The following CHD9 variants were observed in gnomAD, a reference collection of about 807,000 sequenced individuals.
The protein encoded by CHD9 is chromodomain helicase DNA binding protein 9, also known as ATP-dependent chromatin remodeler CHD9.
CHD9 carries 77 observed loss-of-function variants against 316.1 expected under a neutral mutation model. That is an observed-to-expected ratio of 0.24 (90% confidence interval 0.20 to 0.29). The LOEUF is 0.29. Ranked by LOEUF, CHD9 falls within the 10% of genes least tolerant of loss-of-function variation. The probability of loss-of-function intolerance (pLI) is 1.00; values close to 1 mark genes in which losing one functional copy is unlikely to be tolerated. For missense variants in CHD9, 2,763 were observed against 3,438.1 expected (o/e 0.80, Z 4.91); for synonymous variants, 1,129 against 1,158.3 (o/e 0.97, Z 0.51).
rs549112741 is a variant in CHD9, at chr16:53,093,011, G to A, written c.-165+37934G>A. Reference sequence around the variant, plus strand: ...CAGGGCTGGTCTCAAACTCCTGAGCGCAAGCCATCCTCCTGCCTTTGCCTC... The same window carrying A: ...CAGGGCTGGTCTCAAACTCCTGAGCACAAGCCATCCTCCTGCCTTTGCCTC... On this transcript the variant is annotated intron_variant, in intron 1 of 38. Coordinates refer to ENST00000447540, the MANE Select transcript of CHD9 (RefSeq NM_001308319.2). 1.9e-4 allele frequency among the ~76,000 whole-genome samples: 29 copies of A among 152,280 alleles called. No homozygotes were observed. The South Asian group carries it at 2.7e-3, about 14-fold the overall frequency.
At chr16:53,252,546 A>G (rs2050211377) in intron 17 of CHD9, among the ~76,000 whole-genome samples, 1 of 152,196 alleles carries the variant, frequency 6.6e-6, no homozygotes, top group Admixed American at 6.5e-5. Flanking sequence ...ACAAAGATAA[A>G]TAGCTGGGAC....
intron 1 of CHD9, among the ~76,000 whole-genome samples, chr16:53,077,708 G>GATT (rs1325909389): frequency 6.6e-6 from 1 of 152,174 alleles, no homozygotes; most frequent in Admixed American, 6.5e-5. Flanking sequence ...GCTAGTTGAT[G>GATT]AATTCAGTAC....
chr16:53,226,411 G>C lies in CHD9; in HGVS notation c.1942G>C (p.Asp648His). ...AATTAAAAGAAAAAAATACGCAGAAGATATAGAAGGGAAGCAATCTGAAGA... is the reference window on the plus strand; with the variant it reads ...AATTAAAAGAAAAAAATACGCAGAACATATAGAAGGGAAGCAATCTGAAGA... ...RQIKRKKYAE[D>H]IEGKQSEEEV... is the part of the protein sequence containing the mutation. Residue 648 changes from aspartate (D) to histidine (H), a missense_variant, in exon 5 of 39, where the codon GAT (aspartate) becomes CAT (histidine). Asp to His is a moderately conservative substitution (Grantham distance 81). Transcript: ENST00000447540. 1 of 1,592,324 alleles carries C rather than the reference G, an allele frequency of 6.3e-7. No individual in the cohort carries two copies. Among genetic ancestry groups the C allele is most frequent in the Admixed American group, 1.8e-5 (1 of 54,858 alleles).
intron 17 of CHD9, 42 bp from the exon 18 acceptor site, chr16:53,254,395 CT>C (rs199689553): frequency 1.4e-6 from 2 of 1,445,680 alleles, no homozygotes; most frequent in Non-Finnish European, 1.9e-6. Flanking sequence ...TATTAAATGC[CT>C]TTTGAGAAAC....
At chr16:53,265,972 T>G (rs564536961) in intron 20 of CHD9, among the ~76,000 whole-genome samples, 1 of 151,578 alleles carries the variant, frequency 6.6e-6, no homozygotes, top group East Asian at 1.9e-4. Flanking sequence ...ACAATTAGTT[T>G]TTTGTTTTTT....
intron 2 of CHD9, among the ~76,000 whole-genome samples, chr16:53,176,541 T>A (rs772195233): frequency 6.6e-6 from 1 of 152,200 alleles, no homozygotes; most frequent in African/African-American, 2.4e-5. Context: ...CAACAAGCCA[T>A]AAAGGTCAAT....
At chr16:53,115,256 A>G (rs768359848) in intron 1 of CHD9, among the ~76,000 whole-genome samples, 25 of 152,228 alleles carry the variant, frequency 1.6e-4, no homozygotes, top group Admixed American at 3.3e-4. Flanking sequence ...CCCAGATAAT[A>G]AGAACATGGG....
rs559821091 is a variant in CHD9 at position 53,094,919 on chromosome 16, G to A, written c.-165+39842G>A. The stretch of plus-strand genomic sequence containing the variant: ...CTCCCAAAGTGCTGGGATTACAGGC[G>A]TGAGCCACCGCGCCCGGCCTTGTTT... On this transcript the variant is annotated intron_variant, in intron 1 of 38. Transcript: ENST00000447540. Among the ~76,000 whole-genome samples, 15 of 152,296 alleles carry A rather than the reference G, an allele frequency of 9.8e-5. 1 individual carries two copies. Among genetic ancestry groups the A allele is most frequent in the Admixed American group, 5.2e-4 (8 of 15,304 alleles).
intron 15 of CHD9, among the ~76,000 whole-genome samples, chr16:53,246,444 G>A (rs1238228247): frequency 6.6e-6 from 1 of 152,110 alleles, no homozygotes; most frequent in Non-Finnish European, 1.5e-5. Flanking sequence ...TATGCATCAA[G>A]CACCTGTAAC....
chr16:53,162,656 T>G (rs2041995345), intron 2 of CHD9, among the ~76,000 whole-genome samples: 1 of 152,212 alleles, frequency 6.6e-6, no homozygotes, highest in Admixed American at 6.5e-5. Context: ...CTTTTGTATT[T>G]TGATAGATTT....
intron 1 of CHD9, among the ~76,000 whole-genome samples, chr16:53,064,992 A>G (rs1001677484): frequency 6.6e-6 from 1 of 151,792 alleles, no homozygotes; most frequent in African/African-American, 2.4e-5. Context: ...AGAGAGAGAG[A>G]GAGAAAGAAA....
At chr16:53,204,720 G>A (rs2045757199) in intron 2 of CHD9, among the ~76,000 whole-genome samples, 1 of 151,762 alleles carries the variant, frequency 6.6e-6, no homozygotes, top group Non-Finnish European at 1.5e-5. Context: ...ATTCCTTCCA[G>A]GTGCTATCAA....
chr16:53,267,542 C>T lies in CHD9; in HGVS notation c.4517+52C>T, dbSNP rs2051816152. On this transcript the variant is annotated intron_variant, in intron 21 of 38. Transcript: ENST00000447540. ...CTAAGTAGTCTGGTATGTAATGTTA[C>T]AGAAAATATATACTGGTTTTGAGTA... 4.0e-6 allele frequency: 5 copies of T among 1,264,720 alleles called. No homozygotes were observed. The South Asian group carries it at 8.1e-5, about 20-fold the overall frequency. The allele number at this position is 1,264,720 out of a possible 1,614,324, so 78.3% of individuals were successfully genotyped here.
At chr16:53,098,992 C>G (rs549918284) in intron 1 of CHD9, among the ~76,000 whole-genome samples, 7 of 152,318 alleles carry the variant, frequency 4.6e-5, no homozygotes, top group African/African-American at 1.4e-4. Flanking sequence ...CTGTCTGTCT[C>G]CAGCCTGGCT....
At chr16:53,114,571 A>G (rs79808965) in intron 1 of CHD9, among the ~76,000 whole-genome samples, 1 of 118,348 alleles carries the variant, frequency 8.4e-6, no homozygotes, top group South Asian at 2.6e-4. Flanking sequence ...ATTATTTTTT[A>G]TTATTTTTTA....
At chr16:53,214,070 T>C (rs2046545543) in intron 3 of CHD9, among the ~76,000 whole-genome samples, 1 of 152,166 alleles carries the variant, frequency 6.6e-6, no homozygotes, top group African/African-American at 2.4e-5. Context: ...AAAACATTAA[T>C]TTAGATCTCA....
intron 30 of CHD9, among the ~76,000 whole-genome samples, chr16:53,301,204 T>A (rs2055377626): frequency 6.6e-6 from 1 of 152,260 alleles, no homozygotes; most frequent in Non-Finnish European, 1.5e-5. Context: ...TATGTCATGT[T>A]AAAATAAATT....
intron 27 of CHD9, among the ~76,000 whole-genome samples, chr16:53,289,733 C>T (rs899535224): frequency 7.2e-5 from 11 of 152,148 alleles, no homozygotes; most frequent in African/African-American, 2.7e-4. Context: ...TCAGATAAAG[C>T]TCCCAAGGAA....
chr16:53,166,954 T>C (rs1420659333), intron 2 of CHD9, among the ~76,000 whole-genome samples: 1 of 152,158 alleles, frequency 6.6e-6, no homozygotes, highest in East Asian at 1.9e-4. Flanking sequence ...TTTCACTCTA[T>C]CCTCATATGC....
Sources: allele counts gnomAD v4.1 joint callset (sites outside exome capture counted in the v4.1 genomes callset), GRCh38; gene constraint gnomAD v4.1.1; transcripts MANE v1.5; gene names NCBI Gene and HGNC (gene_info 2026-07-23, HGNC 2026-07-21).